Variants in MACROD2 observed in about 807,000 individuals in gnomAD.
The protein encoded by MACROD2 is ADP-ribose glycohydrolase MACROD2.
A neutral mutation model predicts 70.4 loss-of-function variants in MACROD2; 36 were observed. That is an observed-to-expected ratio of 0.51 (90% CI 0.39 to 0.68). MACROD2 has a LOEUF of 0.68. Among genes scored for constraint, MACROD2 ranks in the 30% least tolerant of loss-of-function variants. MACROD2 has a pLI of 0.00. For synonymous variants in MACROD2, 172 were observed against 178.8 expected, an observed-to-expected ratio of 0.96 and a Z score of 0.30; for missense variants, 496 against 538.4, an observed-to-expected ratio of 0.92 and a Z score of 0.78.
intron 3 of MACROD2, among the ~76,000 whole-genome samples, chr20:14,161,243 A>G (rs547451687): frequency 1.4e-5 from 2 of 144,778 alleles, no homozygotes; most frequent in East Asian, 4.0e-4. Context: ...ACTGGAGTGC[A>G]GTGGCATGAT....
chr20:15,292,593 G>C (rs530361647), intron 6 of MACROD2, among the ~76,000 whole-genome samples: 40 of 152,262 alleles, frequency 2.6e-4, no homozygotes, highest in South Asian at 4.2e-4. Context: ...TAAAAGAAAC[G>C]TGGCTCAGAG....
intron 6 of MACROD2, among the ~76,000 whole-genome samples, chr20:15,252,288 T>C (rs1330598831): frequency 6.6e-6 from 1 of 152,208 alleles, no homozygotes; most frequent in East Asian, 1.9e-4. Context: ...AAGGAACATA[T>C]AGTTTAATCC....
intron 9 of MACROD2, among the ~76,000 whole-genome samples, chr20:15,876,812 G>A (rs1016701373): frequency 1.3e-5 from 2 of 152,140 alleles, no homozygotes; most frequent in Non-Finnish European, 2.9e-5. Context: ...CATACTAACT[G>A]GGGTGAGATG....
intron 3 of MACROD2, among the ~76,000 whole-genome samples, chr20:14,238,044 C>G: frequency 6.6e-6 from 1 of 152,036 alleles, no homozygotes; most frequent in South Asian, 2.1e-4. Flanking sequence ...ATTTATAATC[C>G]TTTGTGTATA....
intron 2 of MACROD2, among the ~76,000 whole-genome samples, chr20:14,016,960 A>G (rs2053001347): frequency 6.6e-6 from 1 of 152,112 alleles, no homozygotes; most frequent in Non-Finnish European, 1.5e-5. Flanking sequence ...CACAATATTT[A>G]GAGTTCCAAT....
chr20:15,054,946 C>CT (rs10673344), intron 5 of MACROD2, among the ~76,000 whole-genome samples: 8,063 of 120,276 alleles, frequency 0.067, 791 homozygotes, highest in African/African-American at 0.18. Context: ...CCACATCTAG[C>CT]TTTTTTTTTT....
chr20:15,525,315 A>AT (rs1309018171), intron 8 of MACROD2, among the ~76,000 whole-genome samples: 7 of 152,206 alleles, frequency 4.6e-5, no homozygotes, highest in East Asian at 1.9e-4. Context: ...TGTGCTTGCC[A>AT]TTTTTTCTTC....
chr20:16,022,519 T>C (rs1330237987), intron 15 of MACROD2, among the ~76,000 whole-genome samples: 1 of 152,168 alleles, frequency 6.6e-6, no homozygotes, highest in African/African-American at 2.4e-5. Flanking sequence ...TGTACAAGAA[T>C]CACTAGGGCA....
chr20:15,734,109 G>T (rs1383110675), intron 8 of MACROD2, among the ~76,000 whole-genome samples: 7 of 152,152 alleles, frequency 4.6e-5, no homozygotes, highest in Admixed American at 4.6e-4. Flanking sequence ...TTTACAGAGG[G>T]TGTTTTGAAG....
At chr20:14,753,196 T>C (rs1364379869) in intron 5 of MACROD2, among the ~76,000 whole-genome samples, 1 of 152,112 alleles carries the variant, frequency 6.6e-6, no homozygotes, top group Non-Finnish European at 1.5e-5. Context: ...CAAGACCACA[T>C]GCCTCTACTA....
At chr20:14,049,890 C>G (rs1028824642) in intron 2 of MACROD2, among the ~76,000 whole-genome samples, 1 of 152,022 alleles carries the variant, frequency 6.6e-6, no homozygotes, top group Non-Finnish European at 1.5e-5. Flanking sequence ...TTGAGTCCAG[C>G]CTGGCCAACA....
intron 4 of MACROD2, among the ~76,000 whole-genome samples, chr20:14,541,415 C>G (rs936201126): frequency 6.6e-6 from 1 of 152,102 alleles, no homozygotes; most frequent in African/African-American, 2.4e-5. Flanking sequence ...CCGACCATCT[C>G]ATATAAACCT....
At chr20:14,580,245 A>G (rs1351684743) in intron 4 of MACROD2, among the ~76,000 whole-genome samples, 1 of 152,214 alleles carries the variant, frequency 6.6e-6, no homozygotes, top group Non-Finnish European at 1.5e-5. Flanking sequence ...GATGCTTTTA[A>G]TTGCTGAGCA....
At chr20:14,687,525 G>T (rs1382495089) in intron 5 of MACROD2, among the ~76,000 whole-genome samples, 1 of 152,202 alleles carries the variant, frequency 6.6e-6, no homozygotes, top group East Asian at 1.9e-4. Context: ...TCCAATGCTT[G>T]AGTCATAACT....
intron 7 of MACROD2, among the ~76,000 whole-genome samples, chr20:15,489,289 A>G (rs553467101): frequency 1.1e-4 from 16 of 152,166 alleles, no homozygotes; most frequent in Admixed American, 2.0e-4. Context: ...CCCTTTTTAT[A>G]TTATGACTAA....
Position 14,261,275 on chromosome 20 carries a change from A to G in MACROD2, c.271+175547A>G, listed in dbSNP as rs914855931. 1.8e-4 allele frequency among the ~76,000 whole-genome samples: 27 copies of G among 152,106 alleles called. 1 individual carries two copies. The highest frequency in any genetic ancestry group is 7.4e-5 in the Non-Finnish European group (5 of 68,002). ...TCAGTAAGTGAAGTTTTTTTATTTC[A>G]TTGTAGAAATGAGGAAGCATGTTGA... On this transcript the variant is annotated intron_variant, in intron 3 of 17. Transcript: ENST00000684519.
intron 5 of MACROD2, among the ~76,000 whole-genome samples, chr20:14,926,142 C>T (rs1463623133): frequency 6.6e-6 from 1 of 152,094 alleles, no homozygotes. Flanking sequence ...TTGCCATCTT[C>T]ACACTTTTGC....
chr20:14,398,504 A>G (rs1429490996), intron 3 of MACROD2, among the ~76,000 whole-genome samples: 2 of 151,352 alleles, frequency 1.3e-5, no homozygotes, highest in Non-Finnish European at 2.9e-5. Context: ...ATGATTAGTG[A>G]TGTGGAGCAT....
intron 6 of MACROD2, among the ~76,000 whole-genome samples, chr20:15,369,570 T>TTTCTTTGTAATGC (rs2146259647): frequency 1.3e-5 from 2 of 152,298 alleles, no homozygotes; most frequent in South Asian, 4.1e-4. Context: ...ACAAAGAAAT[T>TTTCTTTGTAATGC]CCTTAGTTCA....
Sources: allele counts gnomAD v4.1 joint callset (sites outside exome capture counted in the v4.1 genomes callset), GRCh38; gene constraint gnomAD v4.1.1; transcripts MANE v1.5; gene names NCBI Gene and HGNC (gene_info 2026-07-23, HGNC 2026-07-21).